The following DOCK4 variants were observed in gnomAD, a reference collection of about 807,000 sequenced individuals.
The protein encoded by DOCK4 is dedicator of cytokinesis 4.
Under a neutral mutation model 268.1 loss-of-function variants are expected in DOCK4, and 97 were observed. The observed-to-expected ratio is 0.36, with a 90% confidence interval of 0.31 to 0.43. DOCK4 has a LOEUF of 0.43. DOCK4 is among the 20% of genes least tolerant of loss of function. The pLI, the probability that DOCK4 is intolerant of heterozygous loss-of-function variation, is 1.00. For missense variants in DOCK4, 2,145 were observed against 2,455.7 expected (o/e 0.87, Z 2.67); for synonymous variants, 954 against 887.2 (o/e 1.08, Z -1.34).
rs34821036 is a variant in DOCK4 at position 111,846,549 on chromosome 7, T to TA, written c.2601+449dup. ...TAATGGTTATACTGTAAGATACCCC[T>TA]AATCTCCTGGGGCTGTCCTTTGCTT... On this transcript the variant is annotated intron_variant, in intron 24 of 52. Transcript: ENST00000428084. Among the ~76,000 whole-genome samples the TA allele has an allele frequency of 3.3e-3, 503 of 152,336 alleles. 2 individuals are homozygous for TA. Among genetic ancestry groups the TA allele is most frequent in the Non-Finnish European group, 4.7e-3 (320 of 68,024 alleles).
At chr7:112,091,099 T>C (rs966715750) in intron 1 of DOCK4, among the ~76,000 whole-genome samples, 1 of 152,178 alleles carries the variant, frequency 6.6e-6, no homozygotes, top group Admixed American at 6.5e-5. Context: ...GTCTCTCATC[T>C]TTGTTATAAA....
At chr7:112,057,360 A>G (rs772974700) in intron 1 of DOCK4, among the ~76,000 whole-genome samples, 5 of 151,986 alleles carry the variant, frequency 3.3e-5, no homozygotes, top group Non-Finnish European at 5.9e-5. Flanking sequence ...AGACCAGCCT[A>G]AGCAACACAG....
intron 1 of DOCK4, among the ~76,000 whole-genome samples, chr7:112,157,738 C>T (rs112049000): frequency 6.7e-4 from 102 of 152,176 alleles, no homozygotes; most frequent in African/African-American, 2.4e-3. Context: ...GCATGACTTC[C>T]GCTAAGGCTA....
intron 12 of DOCK4, among the ~76,000 whole-genome samples, chr7:111,934,052 T>C (rs368625116): frequency 4.4e-4 from 67 of 152,360 alleles, no homozygotes; most frequent in Middle Eastern, 6.8e-3. Flanking sequence ...AACAAAAATA[T>C]CTATATTCAA....
chr7:112,089,033 T>C (rs1361206219), intron 1 of DOCK4, among the ~76,000 whole-genome samples: 1 of 152,182 alleles, frequency 6.6e-6, no homozygotes, highest in Non-Finnish European at 1.5e-5. Context: ...GAATATAAAA[T>C]ACCTAATTAA....
chr7:112,206,245 G>C lies in DOCK4; in HGVS notation c.-107C>G, dbSNP rs1821399783. The C allele has an allele frequency of 9.2e-6, 12 of 1,301,696 alleles. No homozygotes were observed. In the South Asian group the frequency reaches 1.0e-4, roughly 11 times the overall value. 80.6% of individuals were successfully genotyped at this position (1,301,696 alleles called of 1,614,324 possible). ...AGCGCTGCAGTGCCGGAGCCCAGCGGCTTCGCGCGGGCTGCGGGCGCTGGG... is the reference window on the plus strand; with the variant it reads ...AGCGCTGCAGTGCCGGAGCCCAGCGCCTTCGCGCGGGCTGCGGGCGCTGGG... On this transcript the variant is annotated 5_prime_UTR_variant, in exon 1 of 53. Transcript: ENST00000428084.
At chr7:112,205,177 C>T (rs1821289533) in intron 1 of DOCK4, among the ~76,000 whole-genome samples, 1 of 152,176 alleles carries the variant, frequency 6.6e-6, no homozygotes, top group African/African-American at 2.4e-5. Flanking sequence ...ATTCATCAGT[C>T]AACATTAATG....
At chr7:112,121,632 T>C (rs935210932) in intron 1 of DOCK4, among the ~76,000 whole-genome samples, 18 of 152,240 alleles carry the variant, frequency 1.2e-4, no homozygotes, top group Non-Finnish European at 2.2e-4. Context: ...TGAGAGAGAA[T>C]AGCAACAAAT....
chr7:111,767,245 T>G, intron 37 of DOCK4, 127 bp from the exon 38 acceptor site: 1 of 657,096 alleles, frequency 1.5e-6, no homozygotes, highest in Non-Finnish European at 2.5e-6. Flanking sequence ...TTTTTTTTTT[T>G]GAGATGGAGT....
intron 16 of DOCK4, among the ~76,000 whole-genome samples, chr7:111,889,664 G>A (rs570450305): frequency 5.3e-5 from 8 of 152,240 alleles, no homozygotes; most frequent in African/African-American, 1.7e-4. Context: ...AACTTGTAGA[G>A]AAAAATGTGG....
chr7:112,052,685 C>G (rs531439835), intron 1 of DOCK4, among the ~76,000 whole-genome samples: 2 of 152,222 alleles, frequency 1.3e-5, no homozygotes, highest in African/African-American at 4.8e-5. Flanking sequence ...CACTCACCCA[C>G]CCGCAATAAT....
At chr7:111,801,303 C>G (rs1800259210) in intron 30 of DOCK4, among the ~76,000 whole-genome samples, 1 of 152,206 alleles carries the variant, frequency 6.6e-6, no homozygotes, top group African/African-American at 2.4e-5. Context: ...TATAACTGAT[C>G]ATTTTTCCGC....
At chr7:112,040,420 A>G (rs1253324639) in intron 1 of DOCK4, among the ~76,000 whole-genome samples, 2 of 152,232 alleles carry the variant, frequency 1.3e-5, no homozygotes, top group Admixed American at 1.3e-4. Flanking sequence ...GAGAAAATTT[A>G]ACTGCATGAA....
chr7:112,086,217 G>C (rs1809074769), intron 1 of DOCK4, among the ~76,000 whole-genome samples: 1 of 151,992 alleles, frequency 6.6e-6, no homozygotes, highest in South Asian at 2.1e-4. Context: ...GTACACCTTT[G>C]TGTACAAATT....
Position 111,895,703 on chromosome 7 carries a change from T to C in DOCK4, c.1496A>G (p.Glu499Gly). The C allele has an allele frequency of 6.2e-7, 1 of 1,613,910 alleles. No individual in the cohort carries two copies. The highest frequency in any genetic ancestry group is 8.5e-7 in the Non-Finnish European group (1 of 1,179,814). Reference protein sequence around the residue: ...FRHCSTKEKGEKKLFGFSFVP... With the variant: ...FRHCSTKEKGGKKLFGFSFVP... ...AAAAGAAAACCCAAACAACTTCTTC[T>C]CTCCTTTCTCCTTTGCTGTAAAAAA... is the stretch of plus-strand genomic sequence containing the variant. The change falls in exon 16 of 53, where the codon GAG becomes GGG. Residue 499 changes from glutamate to glycine, a missense_variant. This residue lies in a region of DOCK4 where 1,598 missense variants were observed against 1,986.7 expected (regional missense o/e 0.80). Coordinates refer to ENST00000428084, the MANE Select transcript of DOCK4 (RefSeq NM_001363540.2).
At chr7:111,963,134 G>A (rs1310090490) in intron 8 of DOCK4, among the ~76,000 whole-genome samples, 2 of 152,216 alleles carry the variant, frequency 1.3e-5, no homozygotes, top group Non-Finnish European at 2.9e-5. Context: ...AAAGTTATAA[G>A]GGAGGTAGTC....
At chr7:111,869,716 A>G (rs908298601) in intron 20 of DOCK4, 61 bp from the exon 21 acceptor site, 9 of 1,381,812 alleles carry the variant, frequency 6.5e-6, no homozygotes, top group Middle Eastern at 3.6e-4. Context: ...TTAAATGCCA[A>G]CAAATCCAAC....
intron 50 of DOCK4, among the ~76,000 whole-genome samples, chr7:111,736,428 G>A (rs911867076): frequency 1.3e-5 from 2 of 152,120 alleles, no homozygotes; most frequent in African/African-American, 4.8e-5. Flanking sequence ...TGACCTTGAG[G>A]CAGGGCACAC....
rs926545468 is a variant in DOCK4 at position 111,988,927 on chromosome 7, C to T, written c.464+88G>A. The T allele has an allele frequency of 5.1e-5, 77 of 1,498,430 alleles. No homozygotes were observed. In the Middle Eastern group the frequency reaches 1.9e-3, roughly 37 times the overall value. The allele number at this position is 1,498,430 out of a possible 1,614,324, so 92.8% of individuals were successfully genotyped here. A position where few individuals can be genotyped will look rare whatever the true frequency, so the allele number is the denominator to read the frequency against. On this transcript the variant is annotated intron_variant, in intron 6 of 52. Transcript: ENST00000428084. Reference sequence around the variant, plus strand: ...ATGAAAAAGCCCATAGGATTGCTTCCAGTGACATTACCACGTTCTGGCTCA... The same window carrying T: ...ATGAAAAAGCCCATAGGATTGCTTCTAGTGACATTACCACGTTCTGGCTCA...
Sources: allele counts gnomAD v4.1 joint callset (sites outside exome capture counted in the v4.1 genomes callset), GRCh38; gene constraint gnomAD v4.1.1; regional missense constraint gnomAD v4.1.1; transcripts MANE v1.5; gene names NCBI Gene and HGNC (gene_info 2026-07-23, HGNC 2026-07-21).